Variants in CSMD1 observed in about 807,000 individuals in gnomAD.
The protein encoded by CSMD1 is CUB and sushi domain-containing protein 1.
Under a neutral mutation model 417.5 loss-of-function variants are expected in CSMD1, and 213 were observed. The ratio of observed to expected loss-of-function variants is 0.51; its 90% confidence interval spans 0.46 to 0.57. The LOEUF (loss-of-function observed/expected upper bound fraction) is 0.57. Among genes scored for constraint, CSMD1 ranks in the 20% least tolerant of loss-of-function variants. The pLI, the probability that CSMD1 is intolerant of heterozygous loss-of-function variation, is 0.00. For synonymous variants in CSMD1, 2,862 were observed against 1,736.8 expected (o/e 1.65, Z -16.11); for missense variants, 6,923 against 4,529.7 (o/e 1.53, Z -15.17).
chr8:3,792,160 G>T (rs757537566), intron 5 of CSMD1, among the ~76,000 whole-genome samples: 3 of 152,058 alleles, frequency 2.0e-5, no homozygotes, highest in African/African-American at 7.2e-5. Flanking sequence ...CAGGTGTCAT[G>T]GTGCACACGT....
chr8:4,260,083 C>T (rs1252075242), intron 3 of CSMD1, among the ~76,000 whole-genome samples: 9 of 151,956 alleles, frequency 5.9e-5, no homozygotes, highest in African/African-American at 1.9e-4. Flanking sequence ...TCACAAACAT[C>T]CATTTTACTA....
chr8:3,042,747 A>G (rs927486820), intron 50 of CSMD1, among the ~76,000 whole-genome samples: 5 of 152,202 alleles, frequency 3.3e-5, no homozygotes, highest in Non-Finnish European at 7.3e-5. Context: ...TAAAATGATT[A>G]AAACAGTGCC....
chr8:4,805,681 T>G (rs140708178), intron 1 of CSMD1, among the ~76,000 whole-genome samples: 393 of 152,304 alleles, frequency 2.6e-3, no homozygotes, highest in African/African-American at 9.2e-3. Flanking sequence ...ATAAAATACT[T>G]TGCATGCAGA....
intron 2 of CSMD1, among the ~76,000 whole-genome samples, chr8:4,579,111 A>T (rs1799286608): frequency 6.6e-6 from 1 of 152,020 alleles, no homozygotes; most frequent in Non-Finnish European, 1.5e-5. Flanking sequence ...AGGACAATAA[A>T]ACATGCAGGA....
At chr8:3,753,851 C>T (rs1255102333) in intron 6 of CSMD1, 79 bp downstream of exon 6, 2 of 991,100 alleles carry the variant, frequency 2.0e-6, no homozygotes, top group African/African-American at 1.6e-5. Flanking sequence ...TATCCAACTC[C>T]TAAAATTTCA....
intron 21 of CSMD1, among the ~76,000 whole-genome samples, chr8:3,354,875 A>ATATCTATAGATATGTCTATCTAGAGATC (rs1808649628): frequency 1.4e-5 from 1 of 71,522 alleles, no homozygotes; most frequent in Admixed American, 1.2e-4. Flanking sequence ...AGATATACAT[A>ATATCTATAGATATGTCTATCTAGAGATC]TATCTATAGA....
chr8:4,243,428 T>C (rs556361364), intron 3 of CSMD1, among the ~76,000 whole-genome samples: 1 of 152,286 alleles, frequency 6.6e-6, no homozygotes, highest in Non-Finnish European at 1.5e-5. Flanking sequence ...TTGCTCCTTG[T>C]TCCCCTGTAA....
intron 26 of CSMD1, among the ~76,000 whole-genome samples, chr8:3,242,137 C>T (rs181348433): frequency 1.3e-5 from 2 of 151,636 alleles, no homozygotes; most frequent in Admixed American, 1.3e-4. Context: ...TAGCTCCAGC[C>T]ACCTTTTAAG....
intron 2 of CSMD1, among the ~76,000 whole-genome samples, chr8:4,596,685 A>C (rs779681580): frequency 6.6e-6 from 1 of 152,204 alleles, no homozygotes; most frequent in Admixed American, 6.5e-5. Flanking sequence ...CACTCGGTCT[A>C]ACTTCAGTTC....
chr8:3,467,576 A>G (rs1246000513), intron 12 of CSMD1, among the ~76,000 whole-genome samples: 1 of 152,202 alleles, frequency 6.6e-6, no homozygotes, highest in Non-Finnish European at 1.5e-5. Flanking sequence ...AAGGGTCATT[A>G]AGTCCCCAAC....
chr8:4,393,094 A>G lies in CSMD1; in HGVS notation c.415+26859T>C, dbSNP rs183756634. On this transcript the variant is annotated intron_variant, in intron 3 of 69. Coordinates refer to ENST00000635120, the MANE Select transcript of CSMD1 (RefSeq NM_033225.6). Reference sequence around the variant, plus strand: ...GGGTTCAAGCGATTCTCGTGCCTCAATCTCCCGAGTAGCTGGGATTACAGG... The same window carrying G: ...GGGTTCAAGCGATTCTCGTGCCTCAGTCTCCCGAGTAGCTGGGATTACAGG... Among the ~76,000 whole-genome samples the G allele has an allele frequency of 5.7e-3, 862 of 152,140 alleles. 4 individuals carry two copies. The highest frequency in any genetic ancestry group is 8.0e-3 in the Admixed American group (123 of 15,286).
intron 12 of CSMD1, among the ~76,000 whole-genome samples, chr8:3,427,065 C>T (rs2897376): frequency 0.1 from 15,779 of 152,144 alleles, 921 homozygotes; most frequent in African/African-American, 0.13. Context: ...CTCACTATCA[C>T]GACAGCAGCA....
At chr8:3,107,558 T>G (rs1390450380) in intron 45 of CSMD1, among the ~76,000 whole-genome samples, 160 bp downstream of exon 45, 3 of 151,662 alleles carry the variant, frequency 2.0e-5, no homozygotes, top group African/African-American at 7.3e-5. Context: ...GACCTCCGTA[T>G]AAGTTCTCAG....
At chr8:3,860,705 C>A (rs909515185) in intron 5 of CSMD1, among the ~76,000 whole-genome samples, 2 of 152,144 alleles carry the variant, frequency 1.3e-5, no homozygotes, top group East Asian at 3.9e-4. Flanking sequence ...GTAAGATGAA[C>A]TAAATGCAAT....
intron 50 of CSMD1, among the ~76,000 whole-genome samples, chr8:3,046,497 A>T (rs540014093): frequency 4.8e-4 from 73 of 152,246 alleles, no homozygotes; most frequent in Middle Eastern, 3.4e-3. Context: ...CAGTGCGCTC[A>T]AATCATGTCT....
At chr8:3,208,558 C>G (rs1384031638) in intron 30 of CSMD1, among the ~76,000 whole-genome samples, 2 of 152,158 alleles carry the variant, frequency 1.3e-5, no homozygotes, top group East Asian at 1.9e-4. Flanking sequence ...AGCCACCACG[C>G]CCGGCCATAT....
intron 7 of CSMD1, among the ~76,000 whole-genome samples, chr8:3,627,908 G>T (rs1478791674): frequency 1.3e-5 from 2 of 152,130 alleles, no homozygotes; most frequent in East Asian, 3.9e-4. Flanking sequence ...GCTTTAAGGA[G>T]ATAATATTCA....
chr8:3,062,211 T>G (rs1812632916), intron 49 of CSMD1, among the ~76,000 whole-genome samples: 1 of 152,126 alleles, frequency 6.6e-6, no homozygotes, highest in Admixed American at 6.6e-5. Context: ...TTGGAATAAT[T>G]AGGCACCAAG....
intron 1 of CSMD1, among the ~76,000 whole-genome samples, chr8:4,829,705 T>A (rs1585173246): frequency 7.0e-6 from 1 of 142,230 alleles, no homozygotes; most frequent in South Asian, 2.3e-4. Flanking sequence ...ACCTCTGCAC[T>A]CCAGCTTGGA....
Sources: allele counts gnomAD v4.1 joint callset (sites outside exome capture counted in the v4.1 genomes callset), GRCh38; gene constraint gnomAD v4.1.1; transcripts MANE v1.5; gene names NCBI Gene and HGNC (gene_info 2026-07-23, HGNC 2026-07-21).